CRISPLD2: variants seen among roughly 807,000 people sequenced by gnomAD.
CRISPLD2 encodes cysteine rich secretory protein LCCL domain containing 2.
A neutral mutation model predicts 71.1 loss-of-function variants in CRISPLD2; 47 were observed. The ratio of observed to expected loss-of-function variants is 0.66; its 90% CI spans 0.52 to 0.84. The LOEUF (loss-of-function observed/expected upper bound fraction) is 0.84, where lower values mean the gene tolerates loss of function less well. Ranked by LOEUF, CRISPLD2 falls within the 40% of genes least tolerant of loss-of-function variation. CRISPLD2 has a pLI of 0.00. For synonymous variants in CRISPLD2, 317 were observed against 250.1 expected (o/e 1.27, Z -2.52); for missense variants, 830 against 651.1 (o/e 1.27, Z -2.99).
chr16:84,822,838 T>C (rs1156829875), intron 1 of CRISPLD2, among the ~76,000 whole-genome samples: 2 of 152,194 alleles, frequency 1.3e-5, no homozygotes, highest in Non-Finnish European at 2.9e-5. Flanking sequence ...TCTGTTTTTC[T>C]TTTTCCTGAA....
chr16:84,843,403 T>G (rs1330380175), intron 2 of CRISPLD2, among the ~76,000 whole-genome samples: 1 of 152,204 alleles, frequency 6.6e-6, no homozygotes, highest in Non-Finnish European at 1.5e-5. Flanking sequence ...GAAACAGCCT[T>G]AGCACTGAAA....
At chr16:84,853,992 C>T (rs916753756) in intron 5 of CRISPLD2, among the ~76,000 whole-genome samples, 1 of 152,248 alleles carries the variant, frequency 6.6e-6, no homozygotes, top group African/African-American at 2.4e-5. Context: ...TGGAGAAAGC[C>T]TATGGTGCGG....
rs766262174 is a variant in CRISPLD2, at chr16:84,849,454, G to A, written c.429G>A (p.Pro143=). The change falls in exon 4 of 15, where the codon CCG becomes CCA. Residue 143 remains proline (P), a synonymous_variant. Coordinates refer to ENST00000262424, the MANE Select transcript of CRISPLD2 (RefSeq NM_031476.4). ...TGAAGGACTACACCTACCCCTACCC[G>A]AGCGAGTGCAACCCCTGGTGTCCAG... ...DEVKDYTYPY[P]SECNPWCPER... is the part of the protein sequence containing the mutation. 58 of 1,614,034 alleles carry A rather than the reference G, an allele frequency of 3.6e-5. No homozygotes were observed. Among genetic ancestry groups the A allele is most frequent in the Admixed American group, 5.0e-5 (3 of 60,004 alleles).
At chr16:84,859,799 C>T (rs555567920) in intron 6 of CRISPLD2, among the ~76,000 whole-genome samples, 69 of 152,376 alleles carry the variant, frequency 4.5e-4, no homozygotes, top group Middle Eastern at 3.4e-3. Context: ...CTGTCCATTA[C>T]GGTAGCTATG....
At chr16:84,874,476 C>T (rs148186636) in intron 11 of CRISPLD2, among the ~76,000 whole-genome samples, 12 of 152,250 alleles carry the variant, frequency 7.9e-5, no homozygotes, top group South Asian at 4.1e-4. Context: ...GTGGGATGCA[C>T]GATGGGCGAG....
At chr16:84,855,700 C>T (rs1917220425) in intron 6 of CRISPLD2, among the ~76,000 whole-genome samples, 1 of 152,100 alleles carries the variant, frequency 6.6e-6, no homozygotes, top group African/African-American at 2.4e-5. Flanking sequence ...ATCACAAGTC[C>T]ACCCCTTGTC....
intron 14 of CRISPLD2, among the ~76,000 whole-genome samples, chr16:84,901,503 C>G (rs1017783318): frequency 6.8e-6 from 1 of 147,710 alleles, no homozygotes; most frequent in Admixed American, 6.7e-5. Context: ...GCAGAGTCTC[C>G]CTGTGTCGCC....
intron 6 of CRISPLD2, among the ~76,000 whole-genome samples, 177 bp from the exon 7 acceptor site, chr16:84,866,720 T>C (rs532060548): frequency 1.6e-4 from 25 of 152,310 alleles, no homozygotes; most frequent in African/African-American, 6.0e-4. Context: ...TCTGGGCTGG[T>C]AGAATTCCAC....
intron 13 of CRISPLD2, among the ~76,000 whole-genome samples, chr16:84,884,371 A>G (rs1211691154): frequency 2.6e-5 from 4 of 152,188 alleles, no homozygotes; most frequent in Non-Finnish European, 5.9e-5. Context: ...GTGTCAATGC[A>G]CGTGAAATGC....
At chr16:84,872,844 A>G (rs113744408) in intron 9 of CRISPLD2, 148 bp from the exon 10 acceptor site, 12 of 1,003,210 alleles carry the variant, frequency 1.2e-5, no homozygotes, top group African/African-American at 8.1e-5. Context: ...ATGTGGTTAC[A>G]GACAGAGGCG....
chr16:84,820,005 C>T lies in CRISPLD2; in HGVS notation c.-203C>T, dbSNP rs993212831. The T allele has an allele frequency of 1.3e-5, 2 of 152,328 alleles. No homozygotes were observed. Among genetic ancestry groups the T allele is most frequent in the Admixed American group, 6.5e-5 (1 of 15,288 alleles). 9.4% of individuals were successfully genotyped at this position (152,328 alleles called of 1,614,324 possible). ...CACCCACTCGCATCCCAGGGCGTCT[C>T]CGGCTGCTCCTATTGAGCTGTCTGC... On this transcript the variant is annotated 5_prime_UTR_variant, in exon 1 of 15. Transcript: ENST00000262424.
chr16:84,878,809 A>G (rs2071543489), intron 12 of CRISPLD2, among the ~76,000 whole-genome samples: 1 of 152,270 alleles, frequency 6.6e-6, no homozygotes, highest in East Asian at 1.9e-4. Context: ...CCCAGGGTTC[A>G]GATCATATAA....
At chr16:84,886,328 C>T (rs1254876025) in intron 13 of CRISPLD2, among the ~76,000 whole-genome samples, 1 of 152,196 alleles carries the variant, frequency 6.6e-6, no homozygotes, top group Non-Finnish European at 1.5e-5. Flanking sequence ...GATCCTGAGA[C>T]ACAGGCTCTC....
At chr16:84,898,525 A>G (rs1399729597) in intron 14 of CRISPLD2, among the ~76,000 whole-genome samples, 1 of 152,054 alleles carries the variant, frequency 6.6e-6, no homozygotes, top group Non-Finnish European at 1.5e-5. Flanking sequence ...TTAGACTGAA[A>G]TGGCCCCTCC....
chr16:84,877,921 C>G (rs557098773), intron 12 of CRISPLD2, among the ~76,000 whole-genome samples: 1 of 150,728 alleles, frequency 6.6e-6, no homozygotes, highest in Non-Finnish European at 1.5e-5. Context: ...TAGAAGTAAA[C>G]GATGTGTGGC....
intron 13 of CRISPLD2, among the ~76,000 whole-genome samples, chr16:84,887,429 G>A (rs565424519): frequency 7.9e-5 from 12 of 152,326 alleles, no homozygotes; most frequent in South Asian, 2.1e-4. Context: ...ACCGGAGTCC[G>A]TCTTCGTGCC....
intron 6 of CRISPLD2, among the ~76,000 whole-genome samples, chr16:84,859,573 G>C (rs1018670559): frequency 2.0e-5 from 3 of 152,122 alleles, no homozygotes; most frequent in Non-Finnish European, 4.4e-5. Flanking sequence ...CTGTAAACTG[G>C]CTCAAATCTG....
rs1223691593 is a variant in CRISPLD2 at position 84,866,960 on chromosome 16, C to G, written c.773C>G (p.Pro258Arg). The change falls in exon 7 of 15, where the codon CCT becomes CGT. Residue 258 changes from proline (P) to arginine (R), a missense_variant. Pro to Arg is a moderately radical substitution (Grantham distance 103). Coordinates refer to ENST00000262424, the MANE Select transcript of CRISPLD2 (RefSeq NM_031476.4). ...EMNEVETAPI[P>R]EENHVWLQPR... is the part of the protein sequence containing the mutation. ...AATGAGGTGGAAACGGCTCCCATTC[C>G]TGAAGAAAACCATGTTTGGCTCCAA... 1.9e-6 allele frequency: 3 copies of G among 1,614,054 alleles called. No individual in the cohort carries two copies. The highest frequency in any genetic ancestry group is 4.5e-5 in the East Asian group (2 of 44,864).
chr16:84,865,661 C>A (rs1284528718), intron 6 of CRISPLD2, among the ~76,000 whole-genome samples: 2 of 152,110 alleles, frequency 1.3e-5, no homozygotes, highest in Non-Finnish European at 1.5e-5. Flanking sequence ...GTGTCCCCAG[C>A]AGATATGCTC....
Sources: allele counts gnomAD v4.1 joint callset (sites outside exome capture counted in the v4.1 genomes callset), GRCh38; gene constraint gnomAD v4.1.1; transcripts MANE v1.5; gene names NCBI Gene and HGNC (gene_info 2026-07-23, HGNC 2026-07-21).